Variants in LRBA observed in about 807,000 individuals in gnomAD.
LRBA encodes the protein LPS responsive beige-like anchor protein, also known as lipopolysaccharide-responsive and beige-like anchor protein.
Under a neutral mutation model 330.0 loss-of-function variants are expected in LRBA, and 176 were observed. The ratio of observed to expected loss-of-function variants is 0.53; its 90% CI spans 0.47 to 0.60. The LOEUF (loss-of-function observed/expected upper bound fraction) is 0.60. LRBA is among the 20% of genes least tolerant of loss of function. The pLI, the probability that LRBA is intolerant of heterozygous loss-of-function variation, is 0.00. For missense variants in LRBA, 3,259 were observed against 3,444.8 expected (o/e 0.95, Z 1.35); for synonymous variants, 1,230 against 1,193.0 (o/e 1.03, Z -0.64).
At chr4:150,750,801 A>G (rs1733423442) in intron 35 of LRBA, among the ~76,000 whole-genome samples, 1 of 151,550 alleles carries the variant, frequency 6.6e-6, no homozygotes, top group South Asian at 2.1e-4. Context: ...TTTATAGAAT[A>G]TCTTATAAAC....
intron 41 of LRBA, among the ~76,000 whole-genome samples, chr4:150,489,195 A>C: frequency 9.1e-6 from 1 of 109,370 alleles, no homozygotes; most frequent in East Asian, 2.5e-4. Flanking sequence ...TATATTATAT[A>C]TAAGTATATA....
chr4:150,288,974 G>C (rs1295964188), intron 53 of LRBA, among the ~76,000 whole-genome samples: 2 of 152,132 alleles, frequency 1.3e-5, no homozygotes, highest in Non-Finnish European at 2.9e-5. Flanking sequence ...GGTGGTCCCA[G>C]AGGATGATGT....
At chr4:150,549,754 G>A (rs537099449) in intron 40 of LRBA, among the ~76,000 whole-genome samples, 10 of 152,292 alleles carry the variant, frequency 6.6e-5, no homozygotes, top group Middle Eastern at 3.4e-3. Context: ...ACCTTGGAGG[G>A]AACCTCCATT....
intron 40 of LRBA, among the ~76,000 whole-genome samples, chr4:150,576,306 CAA>C (rs1448428810): frequency 2.0e-5 from 3 of 151,600 alleles, no homozygotes; most frequent in Non-Finnish European, 4.4e-5. Context: ...TGTTACAACT[CAA>C]AAATGTATAC....
intron 44 of LRBA, among the ~76,000 whole-genome samples, chr4:150,445,169 T>C (rs1752424000): frequency 6.6e-6 from 1 of 152,022 alleles, no homozygotes; most frequent in African/African-American, 2.4e-5. Context: ...AATAAATCTA[T>C]ATGCTTTTAA....
intron 2 of LRBA, among the ~76,000 whole-genome samples, chr4:150,943,948 C>A (rs1198545179): frequency 6.6e-6 from 1 of 152,142 alleles, no homozygotes; most frequent in East Asian, 1.9e-4. Context: ...TGAGGATATT[C>A]AAGCAGCTCA....
At position 151,007,284 on chromosome 4, in the gene LRBA, A is replaced by G. The variant is rs577894614; in HGVS notation, c.216+7143T>C. Among the ~76,000 whole-genome samples the G allele has an allele frequency of 3.5e-4, 53 of 152,166 alleles. 1 individual carries two copies. The highest frequency in any genetic ancestry group is 1.2e-3 in the African/African-American group (51 of 41,524). On this transcript the variant is annotated intron_variant, in intron 2 of 56. Coordinates refer to ENST00000651943, the MANE Select transcript of LRBA (RefSeq NM_001364905.1). ...TGGGAGGCCGAGGCGGACGGACCACAAGGTCAGGAGATGGAGACCATCCTG... is the reference window on the plus strand; with the variant it reads ...TGGGAGGCCGAGGCGGACGGACCACGAGGTCAGGAGATGGAGACCATCCTG...
intron 36 of LRBA, among the ~76,000 whole-genome samples, chr4:150,715,774 T>A (rs149957123): frequency 6.6e-6 from 1 of 152,192 alleles, no homozygotes; most frequent in Non-Finnish European, 1.5e-5. Context: ...CAATTACTAA[T>A]AGAACCCAAA....
chr4:150,927,064 C>T (rs1021546804), intron 4 of LRBA, among the ~76,000 whole-genome samples: 15 of 143,672 alleles, frequency 1.0e-4, no homozygotes, highest in African/African-American at 2.3e-4. Context: ...AGCAAGACTC[C>T]GTCTCAAAAG....
At chr4:150,303,089 T>C (rs556111443) in intron 52 of LRBA, among the ~76,000 whole-genome samples, 3 of 152,278 alleles carry the variant, frequency 2.0e-5, no homozygotes, top group African/African-American at 7.2e-5. Context: ...TACAAATGAA[T>C]CATGTTTACT....
At chr4:150,499,231 A>G (rs1759947945) in intron 40 of LRBA, among the ~76,000 whole-genome samples, 1 of 152,220 alleles carries the variant, frequency 6.6e-6, no homozygotes, top group Non-Finnish European at 1.5e-5. Flanking sequence ...GGTATAGAAA[A>G]AAATCATAAT....
At chr4:150,756,301 A>G (rs1734288189) in intron 35 of LRBA, among the ~76,000 whole-genome samples, 1 of 152,176 alleles carries the variant, frequency 6.6e-6, no homozygotes, top group African/African-American at 2.4e-5. Flanking sequence ...AAATATTTGG[A>G]GGGATCACAA....
At chr4:150,552,708 T>C (rs1766757712) in intron 40 of LRBA, among the ~76,000 whole-genome samples, 1 of 152,152 alleles carries the variant, frequency 6.6e-6, no homozygotes, top group Admixed American at 6.5e-5. Flanking sequence ...GTATGTTTAC[T>C]GCGGCACTAC....
At chr4:150,320,678 G>A (rs550127488) in intron 50 of LRBA, among the ~76,000 whole-genome samples, 100 of 152,010 alleles carry the variant, frequency 6.6e-4, no homozygotes, top group Middle Eastern at 3.4e-3. Flanking sequence ...ATGGTGCTGC[G>A]TGCCTGTAGT....
intron 17 of LRBA, among the ~76,000 whole-genome samples, chr4:150,873,786 T>G (rs1443522832): frequency 1.3e-5 from 2 of 151,704 alleles, no homozygotes; most frequent in Non-Finnish European, 2.9e-5. Context: ...GATCAAAATT[T>G]TGGTGTTTAG....
chr4:150,951,673 C>G (rs1292823213), intron 2 of LRBA, among the ~76,000 whole-genome samples: 3 of 152,074 alleles, frequency 2.0e-5, no homozygotes, highest in Non-Finnish European at 4.4e-5. Flanking sequence ...AAATACTTTT[C>G]AGTATTTTTT....
intron 34 of LRBA, among the ~76,000 whole-genome samples, chr4:150,793,858 C>T (rs1039004893): frequency 4.6e-5 from 7 of 151,968 alleles, no homozygotes; most frequent in Non-Finnish European, 1.0e-4. Flanking sequence ...GTGCTAGGTA[C>T]CAGAAATACT....
At chr4:150,991,652 T>C (rs972896275) in intron 2 of LRBA, among the ~76,000 whole-genome samples, 1 of 151,978 alleles carries the variant, frequency 6.6e-6, no homozygotes, top group Non-Finnish European at 1.5e-5. Context: ...TGCCAGGGGA[T>C]AGGGATGGGG....
rs376933185 is a variant in LRBA at position 150,716,984 on chromosome 4, T to C, written c.5754+18274A>G. On this transcript the variant is annotated intron_variant, in intron 36 of 56. Coordinates refer to ENST00000651943, the MANE Select transcript of LRBA (RefSeq NM_001364905.1). The stretch of plus-strand genomic sequence containing the variant: ...CTTGCATACATACATCAAAGATGTG[T>C]TGTGGTACTGAAATGAGACAATGTG... Among the ~76,000 whole-genome samples the C allele has an allele frequency of 7.8e-4, 119 of 152,296 alleles. 4 individuals are homozygous for C. In the South Asian group the frequency reaches 0.024, roughly 31 times the overall value.
Sources: allele counts gnomAD v4.1 joint callset (sites outside exome capture counted in the v4.1 genomes callset), GRCh38; gene constraint gnomAD v4.1.1; transcripts MANE v1.5; gene names NCBI Gene and HGNC (gene_info 2026-07-23, HGNC 2026-07-21).